Variants in IL1RAP observed in about 807,000 individuals in gnomAD.
The protein encoded by IL1RAP is interleukin 1 receptor accessory protein, also known as interleukin-1 receptor accessory protein.
Under a neutral mutation model 60.7 loss-of-function variants are expected in IL1RAP, and 35 were observed. The ratio of observed to expected loss-of-function variants is 0.58; its 90% CI spans 0.44 to 0.76. The LOEUF (loss-of-function observed/expected upper bound fraction) is 0.76. Among genes scored for constraint, IL1RAP ranks in the 30% least tolerant of loss-of-function variants. The pLI is 0.00. For missense variants in IL1RAP, 572 were observed against 693.9 expected, an observed-to-expected ratio of 0.82 and a Z score of 1.97; for synonymous variants, 268 against 250.9, an observed-to-expected ratio of 1.07 and a Z score of -0.64.
chr3:190,572,845 A>T (rs1727048500), intron 3 of IL1RAP, among the ~76,000 whole-genome samples: 1 of 145,572 alleles, frequency 6.9e-6, no homozygotes. Flanking sequence ...CAGCATGTCC[A>T]GGGTTAATGC....
At chr3:190,516,730 G>GAA (rs10555254) in intron 1 of IL1RAP, among the ~76,000 whole-genome samples, 4 of 149,672 alleles carry the variant, frequency 2.7e-5, no homozygotes, top group African/African-American at 7.3e-5. Context: ...TTCTAAAATG[G>GAA]AAAAAAAAAA....
At chr3:190,608,509 C>T (rs752247904) in intron 4 of IL1RAP, among the ~76,000 whole-genome samples, 3 of 152,052 alleles carry the variant, frequency 2.0e-5, no homozygotes, top group African/African-American at 7.2e-5. Context: ...ATGTGAAAGC[C>T]CAGGACATTA....
intron 1 of IL1RAP, among the ~76,000 whole-genome samples, chr3:190,547,737 G>A (rs768492347): frequency 2.0e-5 from 3 of 152,198 alleles, no homozygotes; most frequent in Non-Finnish European, 4.4e-5. Flanking sequence ...TGCTGTGAAT[G>A]TTCTAATTTA....
intron 2 of IL1RAP, among the ~76,000 whole-genome samples, chr3:190,561,445 G>A (rs1725882677): frequency 6.6e-6 from 1 of 152,154 alleles, no homozygotes; most frequent in South Asian, 2.1e-4. Context: ...GTTATCTTTA[G>A]ATTAGCTTTG....
At chr3:190,521,537 C>T (rs550972024) in intron 1 of IL1RAP, among the ~76,000 whole-genome samples, 250 of 151,838 alleles carry the variant, frequency 1.6e-3, no homozygotes, top group African/African-American at 5.4e-3. Flanking sequence ...GCTTTCACCC[C>T]GAAAATGAGC....
At position 190,644,333 on chromosome 3, in the gene IL1RAP, T is replaced by G; in HGVS notation, c.1137T>G (p.His379Gln). 6.2e-7 allele frequency: 1 copy of G among 1,614,134 alleles called. No homozygotes were observed. The highest frequency in any genetic ancestry group is 8.5e-7 in the Non-Finnish European group (1 of 1,179,964). The change falls in exon 10 of 12, where the codon CAT becomes CAG. Residue 379 changes from histidine to glutamine, a missense_variant. Physicochemically the swap from His to Gln is conservative, Grantham distance 24 (BLOSUM62 0). Transcript: ENST00000447382. ...TGGTGATTCTCATTGTTGTTTACCA[T>G]GTTTACTGGCTAGAGATGGTCCTAT... ...LLVVILIVVYHVYWLEMVLFY... is the reference protein window; with the variant it reads ...LLVVILIVVYQVYWLEMVLFY...
chr3:190,539,966 C>T lies in IL1RAP; in HGVS notation c.-88-16164C>T, dbSNP rs143441903. On this transcript the variant is annotated intron_variant, in intron 1 of 11. Coordinates refer to ENST00000447382, the MANE Select transcript of IL1RAP (RefSeq NM_002182.4). ...TTTTAAAAAATATATTTTATGGTTC[C>T]GTGCTCTCCCTCTGGCATTTGAATG... Among the ~76,000 whole-genome samples, 42 of 151,914 alleles carry T rather than the reference C, an allele frequency of 2.8e-4. No homozygotes were observed. The East Asian group carries it at 7.5e-3, about 27-fold the overall frequency.
chr3:190,645,930 A>G (rs1304890356), intron 11 of IL1RAP, 88 bp downstream of exon 11: 1 of 1,129,876 alleles, frequency 8.9e-7, no homozygotes, highest in Non-Finnish European at 1.3e-6. Context: ...GTCATGGCAC[A>G]GCATCTTTGG....
intron 1 of IL1RAP, among the ~76,000 whole-genome samples, chr3:190,540,992 C>T (rs1453953345): frequency 6.6e-6 from 1 of 152,032 alleles, no homozygotes; most frequent in Non-Finnish European, 1.5e-5. Flanking sequence ...TTGAGGTGAC[C>T]ATCCATGTTA....
At chr3:190,515,299 G>A (rs186756590) in intron 1 of IL1RAP, among the ~76,000 whole-genome samples, 1 of 151,628 alleles carries the variant, frequency 6.6e-6, no homozygotes, top group African/African-American at 2.4e-5. Context: ...TGGGTAGTTG[G>A]AAGGATGAAA....
At chr3:190,648,242 C>G in intron 11 of IL1RAP, 96 bp from the exon 12 acceptor site, 2 of 1,461,736 alleles carry the variant, frequency 1.4e-6, no homozygotes, top group Non-Finnish European at 1.8e-6. Context: ...AATTCTTAGG[C>G]TGGTACCCTA....
At chr3:190,582,412 C>A (rs925118145) in intron 3 of IL1RAP, among the ~76,000 whole-genome samples, 1 of 151,772 alleles carries the variant, frequency 6.6e-6, no homozygotes, top group African/African-American at 2.4e-5. Flanking sequence ...CTCCACCTCC[C>A]GGGATCAAGT....
intron 1 of IL1RAP, among the ~76,000 whole-genome samples, chr3:190,537,755 T>C (rs553194664): frequency 1.9e-4 from 29 of 152,298 alleles, no homozygotes; most frequent in African/African-American, 7.0e-4. Context: ...GAAATGTGCC[T>C]ATCTTTTTGG....
At chr3:190,591,902 C>T (rs1476548265) in intron 3 of IL1RAP, among the ~76,000 whole-genome samples, 1 of 152,130 alleles carries the variant, frequency 6.6e-6, no homozygotes, top group East Asian at 1.9e-4. Context: ...ATTGTCACAA[C>T]AGCCCTGCAA....
chr3:190,653,608 C>A (rs1045428985), downstream of IL1RAP, among the ~76,000 whole-genome samples: 1 of 151,858 alleles, frequency 6.6e-6, no homozygotes, highest in Non-Finnish European at 1.5e-5. Context: ...AAGTGAACTC[C>A]ATGGAAGTTA....
intron 4 of IL1RAP, among the ~76,000 whole-genome samples, chr3:190,608,731 A>G (rs1228619551): frequency 3.3e-5 from 5 of 152,200 alleles, no homozygotes; most frequent in Non-Finnish European, 7.3e-5. Context: ...GACTATTTAT[A>G]TACACTGACA....
chr3:190,569,823 T>C (rs12107135), intron 3 of IL1RAP, among the ~76,000 whole-genome samples: 1,561 of 152,326 alleles, frequency 0.01, 30 homozygotes, highest in African/African-American at 0.035. Context: ...AACCAGTATT[T>C]TTGTAGGAAC....
chr3:190,622,653 A>G (rs773370097), intron 6 of IL1RAP, among the ~76,000 whole-genome samples: 1 of 152,226 alleles, frequency 6.6e-6, no homozygotes, highest in Admixed American at 6.5e-5. Flanking sequence ...AGAAAATATT[A>G]TAAAGGATTC....
intron 1 of IL1RAP, chr3:190,554,817 T>C (rs567213236): frequency 7.9e-5 from 12 of 152,062 alleles, no homozygotes; most frequent in African/African-American, 2.4e-4. Flanking sequence ...ATGAACAGTG[T>C]GTTTATTTCT....
Sources: gnomAD v4.1 joint callset for allele counts (sites outside exome capture counted in the v4.1 genomes callset) on GRCh38, gnomAD v4.1.1 for gene constraint, MANE v1.5 for transcripts, NCBI Gene and HGNC (gene_info 2026-07-23, HGNC 2026-07-21) for gene names.